TRPC4: variants seen among roughly 807,000 people sequenced by gnomAD.
TRPC4 encodes the protein short transient receptor potential channel 4.
TRPC4 carries 49 observed loss-of-function variants against 99.4 expected under a neutral mutation model. That is an observed-to-expected ratio of 0.49 (90% CI 0.39 to 0.63). TRPC4 has a LOEUF of 0.63. Ranked by LOEUF, TRPC4 falls within the 20% of genes least tolerant of loss-of-function variation. The pLI, the probability that TRPC4 is intolerant of heterozygous loss-of-function variation, is 0.00. For synonymous variants in TRPC4, 454 were observed against 425.9 expected (o/e 1.07, Z -0.81); for missense variants, 898 against 1,152.9 (o/e 0.78, Z 3.20).
chr13:37,815,363 T>A (rs1020558555), intron 1 of TRPC4, among the ~76,000 whole-genome samples: 3 of 151,906 alleles, frequency 2.0e-5, no homozygotes, highest in African/African-American at 7.2e-5. Context: ...GTATGCTGTC[T>A]ACAAGATACC....
Position 37,692,135 on chromosome 13 carries a change from A to G in TRPC4, c.1098T>C (p.Phe366=). 6.2e-7 allele frequency: 1 copy of G among 1,614,162 alleles called. No individual in the cohort carries two copies. The highest frequency in any genetic ancestry group is 2.2e-5 in the East Asian group (1 of 44,866). ...TCAAATAGGAGGCTGTGTGGCAGAT[A>G]AACTTGATAAATGGCTTCCTGATGA... ...GLFIRKPFIK[F]ICHTASYLTF... The change falls in exon 4 of 11, where the codon TTT becomes TTC. Residue 366 remains phenylalanine, a synonymous_variant. Coordinates refer to ENST00000379705, the MANE Select transcript of TRPC4 (RefSeq NM_016179.4).
chr13:37,744,540 G>A (rs1955683527), intron 3 of TRPC4, among the ~76,000 whole-genome samples: 1 of 152,118 alleles, frequency 6.6e-6, no homozygotes, highest in Non-Finnish European at 1.5e-5. Flanking sequence ...ATGACAACCA[G>A]ATTAGCTTAA....
chr13:37,637,524 AGAC>A lies in TRPC4; in HGVS notation c.2310_2312del (p.Glu770_Ser771delinsAsp). ...TTTCATCTGAGTCTGCCGAATTTGAAGACTCCTTCGAGGCATTCGCAGATTGTA... is the reference window on the plus strand; with the variant it reads ...TTTCATCTGAGTCTGCCGAATTTGAATCCTTCGAGGCATTCGCAGATTGTA... On this transcript the variant is annotated inframe_deletion, in exon 11 of 11. Transcript: ENST00000379705. 6.2e-7 allele frequency: 1 copy of A among 1,613,784 alleles called. No homozygotes were observed. Among genetic ancestry groups the A allele is most frequent in the Non-Finnish European group, 8.5e-7 (1 of 1,179,774 alleles).
Position 37,639,034 on chromosome 13 carries a change from G to T in TRPC4, c.2211+6C>A, listed in dbSNP as rs1415357560. On this transcript the variant is annotated splice_donor_region_variant and intron_variant, in intron 10 of 10. Transcript: ENST00000379705. ...TGCCTCTTGTGATGAAGATGAAAAT[G>T]GTTACCTTAAAGTTCTCTTCGGTCA... 6 of 1,613,058 alleles carry T rather than the reference G, an allele frequency of 3.7e-6. No homozygotes were observed. The highest frequency in any genetic ancestry group is 5.1e-6 in the Non-Finnish European group (6 of 1,179,316).
rs904205454 is a variant in TRPC4 at position 37,651,565 on chromosome 13, A to T, written c.1885-106T>A. On this transcript the variant is annotated intron_variant, in intron 7 of 10. Transcript: ENST00000379705. ...GACTTCAAGCGGCTCTTGGAACATT[A>T]ATTAAATTGCTTCTAAAACCACCAC... The T allele has an allele frequency of 4.0e-6, 4 of 996,336 alleles. No individual in the cohort carries two copies. The African/African-American group carries it at 6.5e-5, about 16-fold the overall frequency. 61.7% of individuals were successfully genotyped at this position (996,336 alleles called of 1,614,324 possible).
At chr13:37,812,196 CCAG>C (rs1364128466) in intron 1 of TRPC4, among the ~76,000 whole-genome samples, 48 of 35,522 alleles carry the variant, frequency 1.4e-3, no homozygotes, top group African/African-American at 4.8e-3. Flanking sequence ...AAAAAAAAAA[CCAG>C]GAGATCTAAT....
intron 1 of TRPC4, among the ~76,000 whole-genome samples, chr13:37,826,999 C>T (rs1299813568): frequency 1.3e-5 from 2 of 151,922 alleles, no homozygotes; most frequent in Non-Finnish European, 2.9e-5. Flanking sequence ...TCTAAACTTC[C>T]CTTCTCACTT....
At chr13:37,706,295 C>T (rs1954275430) in intron 3 of TRPC4, among the ~76,000 whole-genome samples, 1 of 152,126 alleles carries the variant, frequency 6.6e-6, no homozygotes. Context: ...GTAACCTCAA[C>T]AACAAGGACG....
chr13:37,741,401 A>G (rs1955585403), intron 3 of TRPC4, among the ~76,000 whole-genome samples: 1 of 152,170 alleles, frequency 6.6e-6, no homozygotes, highest in Non-Finnish European at 1.5e-5. Flanking sequence ...TTTATGTTAC[A>G]CACAGGGCAA....
intron 1 of TRPC4, among the ~76,000 whole-genome samples, chr13:37,816,076 T>C (rs184172068): frequency 1.8e-4 from 27 of 151,888 alleles, no homozygotes; most frequent in Admixed American, 8.5e-4. Context: ...AAATACAACA[T>C]ATCAGAATTT....
At position 37,635,622 on chromosome 13, in the gene TRPC4, A is replaced by G. The variant is rs1320695112; in HGVS notation, c.*1281T>C. On this transcript the variant is annotated 3_prime_UTR_variant, in exon 11 of 11. Coordinates refer to ENST00000379705, the MANE Select transcript of TRPC4 (RefSeq NM_016179.4). ...TTTCTATTGATTTGAAATAAATGCT[A>G]ATTTTATGTGGTGAAGAAACTTCCC... is the stretch of plus-strand genomic sequence containing the variant. 6.6e-6 allele frequency among the ~76,000 whole-genome samples: 1 copy of G among 152,152 alleles called. No individual in the cohort carries two copies. The highest frequency in any genetic ancestry group is 1.5e-5 in the Non-Finnish European group (1 of 68,000).
chr13:37,740,435 C>T (rs1955545798), intron 3 of TRPC4, among the ~76,000 whole-genome samples: 1 of 152,022 alleles, frequency 6.6e-6, no homozygotes, highest in African/African-American at 2.4e-5. Flanking sequence ...GAATTAAAAA[C>T]CTGTTGGAGT....
At chr13:37,809,667 G>A (rs905071600) in intron 1 of TRPC4, among the ~76,000 whole-genome samples, 1 of 151,932 alleles carries the variant, frequency 6.6e-6, no homozygotes, top group African/African-American at 2.4e-5. Flanking sequence ...AAAGATTAAG[G>A]TAACAAAAGG....
At chr13:37,745,791 T>A in intron 3 of TRPC4, 146 bp downstream of exon 3, 1 of 937,858 alleles carries the variant, frequency 1.1e-6, no homozygotes, top group Non-Finnish European at 1.6e-6. Flanking sequence ...GATTCATAAT[T>A]ATTAATCCGG....
chr13:37,755,605 T>C (rs1485678807), intron 2 of TRPC4, among the ~76,000 whole-genome samples: 1 of 151,814 alleles, frequency 6.6e-6, no homozygotes, highest in Admixed American at 6.6e-5. Flanking sequence ...TCTCACTATA[T>C]TGGCCAGGCT....
intron 3 of TRPC4, among the ~76,000 whole-genome samples, chr13:37,694,344 G>T (rs758272371): frequency 6.6e-6 from 1 of 152,138 alleles, no homozygotes; most frequent in Non-Finnish European, 1.5e-5. Context: ...AACTCATTCC[G>T]TGCATGCAGA....
At chr13:37,656,503 T>C (rs1952242341) in intron 6 of TRPC4, among the ~76,000 whole-genome samples, 3 of 152,136 alleles carry the variant, frequency 2.0e-5, no homozygotes, top group Non-Finnish European at 4.4e-5. Context: ...TGTAAGACTC[T>C]GGAGCTTCTC....
At chr13:37,837,922 C>G (rs1263460464) in intron 1 of TRPC4, among the ~76,000 whole-genome samples, 1 of 152,084 alleles carries the variant, frequency 6.6e-6, no homozygotes, top group African/African-American at 2.4e-5. Flanking sequence ...AAATTTTTCC[C>G]ATGCTATTCT....
At chr13:37,802,347 C>T (rs1329385343) in intron 1 of TRPC4, among the ~76,000 whole-genome samples, 1 of 152,152 alleles carries the variant, frequency 6.6e-6, no homozygotes, top group Non-Finnish European at 1.5e-5. Context: ...CAGGATACCA[C>T]ATTGCATTAG....
Sources: gnomAD v4.1 joint callset for allele counts (sites outside exome capture counted in the v4.1 genomes callset) on GRCh38, gnomAD v4.1.1 for gene constraint, MANE v1.5 for transcripts, NCBI Gene and HGNC (gene_info 2026-07-23, HGNC 2026-07-21) for gene names.